Variants in GLIS1 observed in about 807,000 individuals in gnomAD.
The protein encoded by GLIS1 is GLIS family zinc finger 1, also known as zinc finger protein GLIS1.
Under a neutral mutation model 63.8 loss-of-function variants are expected in GLIS1, and 24 were observed. The observed-to-expected ratio is 0.38, with a 90% CI of 0.27 to 0.53. The LOEUF is 0.53. GLIS1 is among the 20% of genes least tolerant of loss of function. The probability of loss-of-function intolerance (pLI) is 0.85; values close to 1 mark genes in which losing one functional copy is unlikely to be tolerated. For synonymous variants in GLIS1, 450 were observed against 482.5 expected, an observed-to-expected ratio of 0.93 and a Z score of 0.88; for missense variants, 1,036 against 1,074.1, an observed-to-expected ratio of 0.96 and a Z score of 0.50.
At chr1:53,697,458 T>A (rs896526447) in intron 2 of GLIS1, among the ~76,000 whole-genome samples, 4 of 152,064 alleles carry the variant, frequency 2.6e-5, no homozygotes, top group Non-Finnish European at 5.9e-5. Context: ...CCCCCCCAAG[T>A]CCCACCCTCC....
intron 2 of GLIS1, among the ~76,000 whole-genome samples, chr1:53,730,779 C>T (rs529153883): frequency 6.6e-6 from 1 of 152,284 alleles, no homozygotes; most frequent in South Asian, 2.1e-4. Flanking sequence ...ACGTGCAAGG[C>T]CACAGATGCA....
intron 2 of GLIS1, among the ~76,000 whole-genome samples, chr1:53,607,937 A>T (rs1288091154): frequency 6.7e-6 from 1 of 148,162 alleles, no homozygotes; most frequent in Non-Finnish European, 1.5e-5. Context: ...GAGAAAGTAG[A>T]GTGAGCTCTC....
chr1:53,694,024 C>T lies in GLIS1; in HGVS notation c.259+43782G>A, dbSNP rs550673692. 3.3e-5 allele frequency among the ~76,000 whole-genome samples: 5 copies of T among 152,342 alleles called. No individual in the cohort carries two copies. The East Asian group carries it at 9.7e-4, about 29-fold the overall frequency. ...GGCTCACGAAGAGGAGGAAACAGTC[C>T]CGGCCCCTGCAGTCTACTGCCTGGT... On this transcript the variant is annotated intron_variant, in intron 2 of 10. Transcript: ENST00000628545.
At chr1:53,543,991 G>A (rs931983881) in intron 4 of GLIS1, among the ~76,000 whole-genome samples, 1 of 152,206 alleles carries the variant, frequency 6.6e-6, no homozygotes, top group Non-Finnish European at 1.5e-5. Context: ...GAGCTCCATG[G>A]AGAACCAAGG....
chr1:53,734,196 T>C, intron 2 of GLIS1: 1 of 985,342 alleles, frequency 1.0e-6, no homozygotes, highest in Non-Finnish European at 1.2e-6. Context: ...CCAGTCTCAG[T>C]ACACAGTGAA....
intron 4 of GLIS1, among the ~76,000 whole-genome samples, chr1:53,544,269 C>G (rs1435640875): frequency 1.3e-5 from 2 of 152,038 alleles, no homozygotes; most frequent in African/African-American, 2.4e-5. Flanking sequence ...AGTCAGGAGC[C>G]CGGGGTTGCC....
intron 7 of GLIS1, among the ~76,000 whole-genome samples, chr1:53,520,048 C>T (rs1487674877): frequency 1.3e-5 from 2 of 152,188 alleles, no homozygotes; most frequent in African/African-American, 2.4e-5. Context: ...CCCTGAGCCT[C>T]CCTTGAGGAA....
At chr1:53,711,693 T>C (rs1646648600) in intron 2 of GLIS1, among the ~76,000 whole-genome samples, 2 of 152,246 alleles carry the variant, frequency 1.3e-5, no homozygotes, top group Non-Finnish European at 1.5e-5. Flanking sequence ...ATTAGCCCAA[T>C]GGAAATCTCT....
At chr1:53,622,911 A>G (rs187947182) in intron 2 of GLIS1, among the ~76,000 whole-genome samples, 101 of 152,364 alleles carry the variant, frequency 6.6e-4, no homozygotes, top group Middle Eastern at 3.4e-3. Context: ...TTTTAAAAAA[A>G]TTATTCTTTG....
intron 4 of GLIS1, among the ~76,000 whole-genome samples, chr1:53,543,667 C>A (rs1327212023): frequency 6.6e-6 from 1 of 152,124 alleles, no homozygotes; most frequent in Admixed American, 6.5e-5. Context: ...ACAGCCACTG[C>A]AGTAAGCGCA....
At chr1:53,584,047 G>A (rs905981591) in intron 4 of GLIS1, among the ~76,000 whole-genome samples, 38 of 152,292 alleles carry the variant, frequency 2.5e-4, no homozygotes, top group Admixed American at 9.1e-4. Context: ...TGCATGGTCC[G>A]AGGCCGGTGG....
intron 6 of GLIS1, among the ~76,000 whole-genome samples, chr1:53,521,248 G>A (rs1644405564): frequency 7.0e-6 from 1 of 143,606 alleles, no homozygotes; most frequent in Admixed American, 7.3e-5. Flanking sequence ...TCTCCGATGG[G>A]TAGCTGAGTT....
intron 2 of GLIS1, among the ~76,000 whole-genome samples, chr1:53,736,105 A>G (rs1049949685): frequency 2.6e-5 from 4 of 152,232 alleles, no homozygotes; most frequent in African/African-American, 9.6e-5. Flanking sequence ...GCTATGAAGA[A>G]AAGTTGTGAA....
intron 2 of GLIS1, among the ~76,000 whole-genome samples, chr1:53,711,933 G>C (rs968081255): frequency 6.6e-6 from 1 of 152,154 alleles, no homozygotes; most frequent in Non-Finnish European, 1.5e-5. Flanking sequence ...ACAGGCCTTC[G>C]CTAGCATGGG....
At chr1:53,717,754 G>C (rs1243623010) in intron 2 of GLIS1, among the ~76,000 whole-genome samples, 1 of 152,080 alleles carries the variant, frequency 6.6e-6, no homozygotes, top group African/African-American at 2.4e-5. Context: ...TTGTTTACTT[G>C]ATTACTGTGT....
intron 6 of GLIS1, among the ~76,000 whole-genome samples, chr1:53,524,526 C>T (rs1644444012): frequency 6.6e-6 from 1 of 152,110 alleles, no homozygotes; most frequent in African/African-American, 2.4e-5. Flanking sequence ...ATGCATGGGG[C>T]GAGGAGCTGG....
chr1:53,636,112 G>A (rs1487832863), intron 2 of GLIS1, among the ~76,000 whole-genome samples: 1 of 152,062 alleles, frequency 6.6e-6, no homozygotes, highest in Non-Finnish European at 1.5e-5. Flanking sequence ...GGAAAACTTT[G>A]GCATTAAACC....
At chr1:53,547,663 A>G (rs1644718237) in intron 4 of GLIS1, among the ~76,000 whole-genome samples, 1 of 152,204 alleles carries the variant, frequency 6.6e-6, no homozygotes, top group African/African-American at 2.4e-5. Context: ...AGGCCAACGC[A>G]GTGGGTTTTC....
At chr1:53,558,325 G>T (rs928384652) in intron 4 of GLIS1, among the ~76,000 whole-genome samples, 3 of 152,196 alleles carry the variant, frequency 2.0e-5, no homozygotes, top group African/African-American at 7.2e-5. Flanking sequence ...CTATCAAAGC[G>T]ATCTTTCGAT....
Sources: gnomAD v4.1 joint callset for allele counts (sites outside exome capture counted in the v4.1 genomes callset) on GRCh38, gnomAD v4.1.1 for gene constraint, MANE v1.5 for transcripts, NCBI Gene and HGNC (gene_info 2026-07-23, HGNC 2026-07-21) for gene names.